RLN2: variants seen among roughly 807,000 people sequenced by gnomAD.
RLN2 encodes prorelaxin H2.
In RLN2, 10 loss-of-function variants were observed where a neutral mutation model predicts 7.3. The observed-to-expected ratio is 1.36, with a 90% confidence interval of 0.84 to 2.31. The LOEUF (loss-of-function observed/expected upper bound fraction) is 2.31. Among genes scored for constraint, RLN2 ranks in the 30% most tolerant of loss-of-function variants. The pLI is 0.00. For missense variants in RLN2, 298 were observed against 217.6 expected (o/e 1.37, Z -2.32); for synonymous variants, 103 against 82.3 (o/e 1.25, Z -1.36).
At chr9:5,306,396 A>G (rs1431731021), upstream of RLN2, among the ~76,000 whole-genome samples, 1 of 151,720 alleles carries the variant, frequency 6.6e-6, no homozygotes, top group African/African-American at 2.4e-5. Flanking sequence ...TTGATTTTTT[A>G]TGTTGCCTAC....
upstream of RLN2, among the ~76,000 whole-genome samples, chr9:5,306,627 A>G (rs1816256967): frequency 6.6e-6 from 1 of 152,060 alleles, no homozygotes; most frequent in Admixed American, 6.6e-5. Flanking sequence ...CTTTAAATAA[A>G]AAGGAAATCT....
At chr9:5,325,516 C>G in the RLN2 span, among the ~76,000 whole-genome samples, 1 of 151,974 alleles carries the variant, frequency 6.6e-6, no homozygotes, top group Non-Finnish European at 1.5e-5. Context: ...AGATTGTTAA[C>G]CTCTAGCACA....
At chr9:5,333,480 C>T in the RLN2 span, among the ~76,000 whole-genome samples, 636 of 152,072 alleles carry the variant, frequency 4.2e-3, 10 homozygotes, top group African/African-American at 0.014. Context: ...CAGGAAGAAG[C>T]TGAATCCCTG....
At chr9:5,318,405 T>C in the RLN2 span, among the ~76,000 whole-genome samples, 2 of 151,984 alleles carry the variant, frequency 1.3e-5, no homozygotes, top group Admixed American at 1.3e-4. Flanking sequence ...GGTTTTTTTC[T>C]ATGGTTACTG....
chr9:5,307,393 A>G (rs1238196433), upstream of RLN2, among the ~76,000 whole-genome samples: 1 of 151,862 alleles, frequency 6.6e-6, no homozygotes, highest in African/African-American at 2.4e-5. Context: ...TCAGTTTCCT[A>G]TGAGAGTTTT....
At chr9:5,336,550 G>C in the RLN2 span, among the ~76,000 whole-genome samples, 1 of 152,176 alleles carries the variant, frequency 6.6e-6, no homozygotes, top group East Asian at 1.9e-4. Context: ...GGCACTGCCA[G>C]TTAAAAGATA....
chr9:5,318,095 C>G, the RLN2 span, among the ~76,000 whole-genome samples: 2 of 151,804 alleles, frequency 1.3e-5, no homozygotes, highest in African/African-American at 4.8e-5. Flanking sequence ...TGGTCTCAAA[C>G]TTGTGACCTC....
chr9:5,333,183 G>A, the RLN2 span, among the ~76,000 whole-genome samples: 2 of 152,012 alleles, frequency 1.3e-5, no homozygotes, highest in Non-Finnish European at 2.9e-5. Flanking sequence ...CAACCCATGA[G>A]AAAATGCGCT....
intron 1 of RLN2, among the ~76,000 whole-genome samples, chr9:5,302,545 T>A (rs991718658): frequency 5.9e-5 from 9 of 152,336 alleles, no homozygotes; most frequent in African/African-American, 1.9e-4. Context: ...AATCTCCACC[T>A]GCAGGCAATA....
At chr9:5,327,285 C>G in the RLN2 span, among the ~76,000 whole-genome samples, 4 of 152,086 alleles carry the variant, frequency 2.6e-5, no homozygotes, top group Non-Finnish European at 4.4e-5. Flanking sequence ...AGGAGCCTTG[C>G]TCACTACTAG....
the RLN2 span, among the ~76,000 whole-genome samples, chr9:5,325,357 G>C: frequency 6.6e-6 from 1 of 151,918 alleles, no homozygotes; most frequent in Admixed American, 6.6e-5. Context: ...AAAAAAACTA[G>C]ATTATGCTTT....
the RLN2 span, among the ~76,000 whole-genome samples, chr9:5,317,485 C>T: frequency 4.7e-5 from 7 of 148,672 alleles, no homozygotes; most frequent in East Asian, 3.9e-4. Flanking sequence ...ACACTGAGAA[C>T]GAAGAGCTCT....
At chr9:5,301,524 C>G (rs573657976) in intron 1 of RLN2, among the ~76,000 whole-genome samples, 18 of 152,292 alleles carry the variant, frequency 1.2e-4, no homozygotes, top group African/African-American at 3.9e-4. Flanking sequence ...ATTAGAAACA[C>G]GATGATGTTT....
At position 5,300,499 on chromosome 9, in the gene RLN2, C is replaced by G. The variant is rs1295210190; in HGVS notation, c.212-55G>C. The G allele has an allele frequency of 5.2e-6, 6 of 1,163,374 alleles. No individual in the cohort carries two copies. In the East Asian group the frequency reaches 9.5e-5, roughly 18 times the overall value. The allele number at this position is 1,163,374 out of a possible 1,614,324, so 72.1% of individuals were successfully genotyped here. A position where few individuals can be genotyped will look rare whatever the true frequency, so the allele number is the denominator to read the frequency against. On this transcript the variant is annotated intron_variant, in intron 1 of 1. Coordinates refer to ENST00000381627, the MANE Select transcript of RLN2 (RefSeq NM_134441.3). ...GAGGGTATATTCATGTCAAAGAGCA[C>G]TCAGAAAAACTATGAATGTTTGCAT...
chr9:5,320,195 A>AG, the RLN2 span, among the ~76,000 whole-genome samples: 8 of 151,780 alleles, frequency 5.3e-5, no homozygotes, highest in African/African-American at 1.9e-4. Context: ...CGTGTGGGCC[A>AG]GGCTGGTCTC....
chr9:5,335,685 AAAAG>A, the RLN2 span: 2 of 762,150 alleles, frequency 2.6e-6, no homozygotes, highest in Non-Finnish European at 4.2e-6. Flanking sequence ...ATACACAAAG[AAAAG>A]AAAGCATTGC....
the RLN2 span, among the ~76,000 whole-genome samples, chr9:5,330,552 G>A: frequency 8.7e-5 from 13 of 150,274 alleles, no homozygotes; most frequent in African/African-American, 2.7e-4. Flanking sequence ...GCAGGAGAAC[G>A]GCATGAACTG....
At chr9:5,328,455 G>A in the RLN2 span, among the ~76,000 whole-genome samples, 29 of 152,052 alleles carry the variant, frequency 1.9e-4, 1 homozygote, top group African/African-American at 3.9e-4. Context: ...TGGAAGTGAC[G>A]GGGAGAATGG....
At chr9:5,301,654 A>G (rs1298290807) in intron 1 of RLN2, among the ~76,000 whole-genome samples, 4 of 152,294 alleles carry the variant, frequency 2.6e-5, no homozygotes, top group Admixed American at 6.5e-5. Flanking sequence ...GAGTAAATCT[A>G]AGTGCGGGAG....
Sources: gnomAD v4.1 joint callset for allele counts (sites outside exome capture counted in the v4.1 genomes callset) on GRCh38, gnomAD v4.1.1 for gene constraint, MANE v1.5 for transcripts, NCBI Gene and HGNC (gene_info 2026-07-23, HGNC 2026-07-21) for gene names.